Variants in HEMK2 observed in about 807,000 individuals in gnomAD.
HEMK2 encodes the protein methyltransferase HEMK2.
chr21:28,586,296 T>C, the HEMK2 span, among the ~76,000 whole-genome samples: 2 of 152,220 alleles, frequency 1.3e-5, no homozygotes, highest in Non-Finnish European at 2.9e-5. Context: ...CATAAAAAGA[T>C]TGAAGAGGAA....
chr21:28,702,138 T>C, the HEMK2 span, among the ~76,000 whole-genome samples: 2 of 152,072 alleles, frequency 1.3e-5, no homozygotes, highest in African/African-American at 2.4e-5. Flanking sequence ...ATGCAGAAGA[T>C]TGAAACTGGA....
At chr21:28,710,882 C>T in the HEMK2 span, among the ~76,000 whole-genome samples, 1 of 152,160 alleles carries the variant, frequency 6.6e-6, no homozygotes, top group Non-Finnish European at 1.5e-5. Context: ...ATTAATCAGG[C>T]TTTCCATTAC....
At chr21:28,638,284 G>T in the HEMK2 span, among the ~76,000 whole-genome samples, 1 of 152,254 alleles carries the variant, frequency 6.6e-6, no homozygotes, top group East Asian at 1.9e-4. Context: ...GTGGGATCTG[G>T]TCTGCAATTT....
the HEMK2 span, among the ~76,000 whole-genome samples, chr21:28,785,079 G>A: frequency 6.6e-6 from 1 of 152,240 alleles, no homozygotes; most frequent in Non-Finnish European, 1.5e-5. Context: ...CAGTCACCAC[G>A]AAGGTCTGCA....
At chr21:28,693,860 T>C in the HEMK2 span, among the ~76,000 whole-genome samples, 6 of 152,206 alleles carry the variant, frequency 3.9e-5, no homozygotes, top group Non-Finnish European at 2.9e-5. Context: ...AATTTTGTCT[T>C]TCTTAATCAG....
chr21:28,621,006 T>C, the HEMK2 span, among the ~76,000 whole-genome samples: 10 of 150,112 alleles, frequency 6.7e-5, no homozygotes, highest in African/African-American at 1.5e-4. Context: ...TAGTGGTCTA[T>C]CTAGTTGGTT....
At chr21:28,602,007 T>A in the HEMK2 span, among the ~76,000 whole-genome samples, 2 of 152,232 alleles carry the variant, frequency 1.3e-5, no homozygotes, top group African/African-American at 4.8e-5. Flanking sequence ...ACCATTTAAT[T>A]CATTGTACAT....
chr21:28,694,224 T>G, the HEMK2 span, among the ~76,000 whole-genome samples: 2 of 152,358 alleles, frequency 1.3e-5, no homozygotes, highest in East Asian at 3.9e-4. Flanking sequence ...TTGTTTCTTT[T>G]AATGGTTACG....
the HEMK2 span, among the ~76,000 whole-genome samples, chr21:28,782,345 T>C: frequency 7.2e-4 from 110 of 152,350 alleles, no homozygotes; most frequent in African/African-American, 2.5e-3. Context: ...TCAACATTTA[T>C]AGGCACTCTA....
At chr21:28,819,949 T>A in the HEMK2 span, among the ~76,000 whole-genome samples, 1 of 152,192 alleles carries the variant, frequency 6.6e-6, no homozygotes, top group Non-Finnish European at 1.5e-5. Flanking sequence ...CAATGAGTTC[T>A]TATTGTAAAA....
At chr21:28,651,103 A>G in the HEMK2 span, among the ~76,000 whole-genome samples, 33,407 of 152,158 alleles carry the variant, frequency 0.22, 4,070 homozygotes, top group East Asian at 0.38. Flanking sequence ...AGATAGTTAG[A>G]GCTACATTGC....
the HEMK2 span, among the ~76,000 whole-genome samples, chr21:28,705,815 A>G: frequency 6.6e-6 from 1 of 152,080 alleles, no homozygotes; most frequent in Non-Finnish European, 1.5e-5. Flanking sequence ...TCCACATTCC[A>G]TGACTCATGA....
the HEMK2 span, among the ~76,000 whole-genome samples, chr21:28,715,179 G>T: frequency 6.6e-6 from 1 of 152,090 alleles, no homozygotes; most frequent in South Asian, 2.1e-4. Context: ...TAGGTCAAAT[G>T]GTAATTCTAT....
chr21:28,817,469 C>T, the HEMK2 span, among the ~76,000 whole-genome samples: 4 of 152,256 alleles, frequency 2.6e-5, no homozygotes, highest in East Asian at 1.9e-4. Context: ...TACAAGTGAT[C>T]TCTCCATGAT....
the HEMK2 span, among the ~76,000 whole-genome samples, chr21:28,769,369 T>A: frequency 6.6e-6 from 1 of 151,764 alleles, no homozygotes; most frequent in Non-Finnish European, 1.5e-5. Flanking sequence ...ATAAGGGAGG[T>A]CTTTGTTTTC....
At chr21:28,865,566 C>T in the HEMK2 span, among the ~76,000 whole-genome samples, 7 of 152,182 alleles carry the variant, frequency 4.6e-5, no homozygotes, top group African/African-American at 1.7e-4. Context: ...AATTTGTGAG[C>T]ACTGAATGCT....
chr21:28,794,782 T>C, the HEMK2 span, among the ~76,000 whole-genome samples: 4 of 152,238 alleles, frequency 2.6e-5, no homozygotes, highest in African/African-American at 9.6e-5. Flanking sequence ...GTTTCATATC[T>C]GACTCTGCGA....
At chr21:28,865,255 T>G in the HEMK2 span, among the ~76,000 whole-genome samples, 1 of 152,220 alleles carries the variant, frequency 6.6e-6, no homozygotes, top group Non-Finnish European at 1.5e-5. Flanking sequence ...AACCTCCGCC[T>G]CCTGGGTTCA....
chr21:28,838,811 T>C, the HEMK2 span, among the ~76,000 whole-genome samples: 3 of 149,346 alleles, frequency 2.0e-5, no homozygotes, highest in Non-Finnish European at 4.5e-5. Flanking sequence ...TGTTGGCGCA[T>C]GCCTGTAATC....
Sources: allele counts gnomAD v4.1 joint callset (sites outside exome capture counted in the v4.1 genomes callset), GRCh38; gene constraint gnomAD v4.1.1; transcripts MANE v1.5; gene names NCBI Gene and HGNC (gene_info 2026-07-23, HGNC 2026-07-21).